The following PTPN12 variants were observed in gnomAD, a reference collection of about 807,000 sequenced individuals.
The protein encoded by PTPN12 is protein tyrosine phosphatase non-receptor type 12.
A neutral mutation model predicts 97.6 loss-of-function variants in PTPN12; 29 were observed. That is an observed-to-expected ratio of 0.30 (90% CI 0.22 to 0.41). The LOEUF is 0.41. Ranked by LOEUF, PTPN12 falls within the 10% of genes least tolerant of loss-of-function variation. The pLI is 1.00. For missense variants in PTPN12, 819 were observed against 926.0 expected, an observed-to-expected ratio of 0.88 and a Z score of 1.50; for synonymous variants, 327 against 300.4, an observed-to-expected ratio of 1.09 and a Z score of -0.91.
intron 11 of PTPN12, among the ~76,000 whole-genome samples, chr7:77,611,585 C>T (rs1485895164): frequency 2.0e-5 from 3 of 152,332 alleles, no homozygotes; most frequent in African/African-American, 7.2e-5. Context: ...GCTGGGATTA[C>T]AGGCGCACGC....
intron 8 of PTPN12, among the ~76,000 whole-genome samples, chr7:77,606,750 A>G (rs1196930527): frequency 2.6e-5 from 4 of 152,186 alleles, no homozygotes; most frequent in Admixed American, 6.5e-5. Flanking sequence ...CTTGCAAGAT[A>G]AATCATCCCA....
rs975850491 is a variant in PTPN12, at chr7:77,583,537, G to C, written c.286-18G>C. The C allele has an allele frequency of 6.6e-7, 1 of 1,506,912 alleles. No individual in the cohort carries two copies. Among genetic ancestry groups the C allele is most frequent in the Non-Finnish European group, 9.1e-7 (1 of 1,099,884 alleles). 93.3% of individuals were successfully genotyped at this position (1,506,912 alleles called of 1,614,324 possible). On this transcript the variant is annotated intron_variant, in intron 3 of 17. Coordinates refer to ENST00000248594, the MANE Select transcript of PTPN12 (RefSeq NM_002835.4). Reference sequence around the variant, plus strand: ...GGTAATCAAAATAAATGTGAAATTTGCTTTTAACCATTTTTAGGGCGTCTA... The same window carrying C: ...GGTAATCAAAATAAATGTGAAATTTCCTTTTAACCATTTTTAGGGCGTCTA...
intron 12 of PTPN12, among the ~76,000 whole-genome samples, chr7:77,619,184 A>C (rs971309917): frequency 6.6e-6 from 1 of 152,132 alleles, no homozygotes; most frequent in African/African-American, 2.4e-5. Context: ...GGAGTTGTTT[A>C]AATATTGTCC....
At chr7:77,633,696 C>T (rs1789484431) in intron 14 of PTPN12, among the ~76,000 whole-genome samples, 1 of 152,076 alleles carries the variant, frequency 6.6e-6, no homozygotes, top group Admixed American at 6.6e-5. Flanking sequence ...GGGTGGGCGT[C>T]ACTGGATTGG....
intron 14 of PTPN12, 104 bp from the exon 15 acceptor site, chr7:77,635,678 C>T (rs1370944410): frequency 6.6e-6 from 4 of 610,624 alleles, no homozygotes; most frequent in East Asian, 3.5e-5. Flanking sequence ...TTTGTGGAAG[C>T]GATAGTTTCT....
intron 1 of PTPN12, among the ~76,000 whole-genome samples, chr7:77,570,129 T>C (rs1266422706): frequency 1.3e-5 from 2 of 152,212 alleles, no homozygotes; most frequent in South Asian, 2.1e-4. Context: ...TAAATCTTTA[T>C]CATAAAGAAA....
chr7:77,557,057 C>T (rs897700184), intron 1 of PTPN12, among the ~76,000 whole-genome samples: 5 of 151,980 alleles, frequency 3.3e-5, no homozygotes, highest in East Asian at 1.9e-4. Context: ...GCCTCAACCT[C>T]GTGGCCTCAT....
At chr7:77,544,037 G>T (rs1239081792) in intron 1 of PTPN12, among the ~76,000 whole-genome samples, 1 of 152,132 alleles carries the variant, frequency 6.6e-6, no homozygotes, top group Non-Finnish European at 1.5e-5. Context: ...TCTAAGTGTG[G>T]AATTGCTCAG....
At position 77,537,734 on chromosome 7, in the gene PTPN12, C is replaced by T. The variant is rs987864311; in HGVS notation, c.99+89C>T. ...GGCCGGGCCGCCAGTGCTTTGTGTA[C>T]CTCTGTGAGGAGAGGGGCGGAGGGG... On this transcript the variant is annotated intron_variant, in intron 1 of 17. Coordinates refer to ENST00000248594, the MANE Select transcript of PTPN12 (RefSeq NM_002835.4). 7.1e-6 allele frequency: 10 copies of T among 1,399,698 alleles called. No homozygotes were observed. In the African/African-American group the frequency reaches 1.3e-4, roughly 19 times the overall value. The allele number at this position is 1,399,698 out of a possible 1,614,324, so 86.7% of individuals were successfully genotyped here. A position where few individuals can be genotyped will look rare whatever the true frequency, so the allele number is the denominator to read the frequency against.
intron 12 of PTPN12, among the ~76,000 whole-genome samples, chr7:77,625,522 T>TCTCTCC (rs1467887165): frequency 2.2e-5 from 1 of 44,750 alleles, no homozygotes; most frequent in Non-Finnish European, 4.6e-5. Context: ...TCTCTCTCTC[T>TCTCTCC]CACTCTCACT....
rs751962814 is a variant in PTPN12 at position 77,605,409 on chromosome 7, GTTTTTT to G, written c.696-1803_696-1798del. 4.6e-4 allele frequency among the ~76,000 whole-genome samples: 44 copies of G among 95,538 alleles called. 2 individuals carry two copies. Among genetic ancestry groups the G allele is most frequent in the Non-Finnish European group, 5.4e-4 (27 of 50,184 alleles). 62.7% of individuals were successfully genotyped at this position (95,538 alleles called of 152,430 possible). A position where few individuals can be genotyped will look rare whatever the true frequency, so the allele number is the denominator to read the frequency against. On this transcript the variant is annotated intron_variant, in intron 8 of 17. Coordinates refer to ENST00000248594, the MANE Select transcript of PTPN12 (RefSeq NM_002835.4). ...TTACTTTAAAATACTTTTGTCATGA[GTTTTTT>G]TTTTTTTTTTTTTTTTTTTTTTGAG...
intron 1 of PTPN12, among the ~76,000 whole-genome samples, chr7:77,566,449 C>T (rs1190567246): frequency 1.3e-5 from 2 of 152,124 alleles, no homozygotes; most frequent in Admixed American, 6.5e-5. Flanking sequence ...TAGGCTGGTG[C>T]AGTGGCTTAT....
intron 1 of PTPN12, among the ~76,000 whole-genome samples, chr7:77,544,307 C>A (rs1807121902): frequency 6.6e-6 from 1 of 152,166 alleles, no homozygotes; most frequent in Non-Finnish European, 1.5e-5. Context: ...CCAGTCCTTG[C>A]ATTTGAGCTA....
At chr7:77,563,100 A>T (rs1454925787) in intron 1 of PTPN12, among the ~76,000 whole-genome samples, 1 of 152,216 alleles carries the variant, frequency 6.6e-6, no homozygotes, top group Non-Finnish European at 1.5e-5. Flanking sequence ...GACTATTACT[A>T]CATGCATTCA....
At chr7:77,592,041 GCTCT>G (rs576511814) in intron 5 of PTPN12, 140 bp from the exon 6 acceptor site, 1 of 677,680 alleles carries the variant, frequency 1.5e-6, no homozygotes, top group South Asian at 1.7e-5. Context: ...GTAAATCTAA[GCTCT>G]CTCAGCTCCA....
intron 5 of PTPN12, among the ~76,000 whole-genome samples, chr7:77,585,839 G>C (rs937605335): frequency 6.6e-6 from 1 of 152,002 alleles, no homozygotes; most frequent in Non-Finnish European, 1.5e-5. Context: ...CCACAATAGC[G>C]CAATTCAAAC....
intron 1 of PTPN12, among the ~76,000 whole-genome samples, chr7:77,553,749 TG>T (rs1562707635): frequency 6.6e-6 from 1 of 152,232 alleles, no homozygotes; most frequent in African/African-American, 2.4e-5. Context: ...ATCTTTTAAT[TG>T]GTACATTTAG....
At chr7:77,609,185 A>C (rs1450009410) in intron 9 of PTPN12, among the ~76,000 whole-genome samples, 1 of 151,998 alleles carries the variant, frequency 6.6e-6, no homozygotes, top group Non-Finnish European at 1.5e-5. Context: ...GTGCCATTGC[A>C]CTGCAAACTG....
At chr7:77,576,288 A>T (rs1256525399) in intron 2 of PTPN12, among the ~76,000 whole-genome samples, 1 of 152,022 alleles carries the variant, frequency 6.6e-6, no homozygotes, top group Admixed American at 6.5e-5. Flanking sequence ...ATGTCATACA[A>T]CTCTCTGTGT....
Sources: allele counts gnomAD v4.1 joint callset (sites outside exome capture counted in the v4.1 genomes callset), GRCh38; gene constraint gnomAD v4.1.1; transcripts MANE v1.5; gene names NCBI Gene and HGNC (gene_info 2026-07-23, HGNC 2026-07-21).